Variants in GPR160 observed in about 807,000 individuals in gnomAD.
GPR160 encodes G protein-coupled receptor 160.
In GPR160, 2 loss-of-function variants were observed where a neutral mutation model predicts 2.6. That is an observed-to-expected ratio of 0.77 (90% CI 0.32 to 2.44). GPR160 has a LOEUF of 2.44. Among genes scored for constraint, GPR160 ranks in the 30% most tolerant of loss-of-function variants. The pLI, the probability that GPR160 is intolerant of heterozygous loss-of-function variation, is 0.11. For synonymous variants in GPR160, 130 were observed against 132.2 expected, an observed-to-expected ratio of 0.98 and a Z score of 0.12; for missense variants, 351 against 383.6, an observed-to-expected ratio of 0.91 and a Z score of 0.71.
intron 2 of GPR160, among the ~76,000 whole-genome samples, chr3:170,064,517 T>C (rs908579356): frequency 8.0e-6 from 1 of 125,256 alleles, no homozygotes; most frequent in African/African-American, 3.5e-5. Context: ...TTCTTTTCTT[T>C]TTTTTTTTTT....
chr3:170,071,812 C>A (rs1712609843), intron 2 of GPR160, among the ~76,000 whole-genome samples: 1 of 152,114 alleles, frequency 6.6e-6, no homozygotes, highest in Non-Finnish European at 1.5e-5. Flanking sequence ...AGAAATACCT[C>A]TTTATAAATT....
chr3:170,058,773 C>A (rs1003993708), intron 2 of GPR160, among the ~76,000 whole-genome samples: 9 of 152,124 alleles, frequency 5.9e-5, no homozygotes, highest in Admixed American at 5.2e-4. Context: ...ACATTATTTG[C>A]AGATAGAACA....
At chr3:170,060,080 A>G (rs867243396) in intron 2 of GPR160, among the ~76,000 whole-genome samples, 12 of 152,196 alleles carry the variant, frequency 7.9e-5, no homozygotes, top group Non-Finnish European at 1.8e-4. Context: ...CCTTGAAAAA[A>G]AATGACCAGA....
chr3:170,044,116 G>C (rs193030902), intron 2 of GPR160, among the ~76,000 whole-genome samples: 3 of 151,944 alleles, frequency 2.0e-5, no homozygotes, highest in African/African-American at 7.2e-5. Flanking sequence ...CCTGAGGTTG[G>C]GAGTTCGAAA....
chr3:170,044,136 C>T (rs939896857), intron 2 of GPR160, among the ~76,000 whole-genome samples: 1 of 151,764 alleles, frequency 6.6e-6, no homozygotes, highest in Admixed American at 6.6e-5. Flanking sequence ...ACCAACCTGA[C>T]CAACATGGAG....
chr3:170,050,353 C>T (rs190540530), intron 2 of GPR160, among the ~76,000 whole-genome samples: 1 of 152,202 alleles, frequency 6.6e-6, no homozygotes, highest in Non-Finnish European at 1.5e-5. Context: ...AAGTGATTCT[C>T]CTGCCTTGGC....
chr3:170,071,926 A>G (rs571505776), intron 2 of GPR160, among the ~76,000 whole-genome samples: 2 of 152,118 alleles, frequency 1.3e-5, no homozygotes, highest in Admixed American at 1.3e-4. Flanking sequence ...TGGAGCATAT[A>G]TTAATTTTTG....
chr3:170,080,624 T>G (rs1713076598), intron 3 of GPR160, among the ~76,000 whole-genome samples: 1 of 152,192 alleles, frequency 6.6e-6, no homozygotes, highest in African/African-American at 2.4e-5. Flanking sequence ...TCCCTACTTT[T>G]GTCATCTTCC....
intron 2 of GPR160, among the ~76,000 whole-genome samples, chr3:170,057,654 T>C (rs1030892169): frequency 2.0e-5 from 3 of 152,174 alleles, no homozygotes; most frequent in Admixed American, 6.5e-5. Flanking sequence ...ATGGCTTACC[T>C]GGAAGGAATG....
Position 170,084,176 on chromosome 3 carries a change from A to G in GPR160, c.204A>G (p.Leu68=). The change falls in exon 4 of 4, where the codon TTA becomes TTG. Residue 68 remains leucine (L), a synonymous_variant. Transcript: ENST00000355897. The stretch of plus-strand genomic sequence containing the variant: ...TTTCACTAGCATTCGTTGATCTTTT[A>G]CTTTTGGTAAACATTTCCATTATAT... ...FCISLAFVDL[L]LLVNISIILY... 1 of 1,590,488 alleles carries G rather than the reference A, an allele frequency of 6.3e-7. No individual in the cohort carries two copies. Among genetic ancestry groups the G allele is most frequent in the Non-Finnish European group, 8.6e-7 (1 of 1,169,352 alleles).
At chr3:170,042,427 A>AAG (rs1336252191) in intron 2 of GPR160, among the ~76,000 whole-genome samples, 1 of 150,974 alleles carries the variant, frequency 6.6e-6, no homozygotes, top group East Asian at 1.9e-4. Flanking sequence ...CCTCAAAAAA[A>AAG]AAAAAAAAAG....
chr3:170,079,247 C>G (rs560452215), intron 2 of GPR160, among the ~76,000 whole-genome samples: 1 of 152,204 alleles, frequency 6.6e-6, no homozygotes, highest in Non-Finnish European at 1.5e-5. Flanking sequence ...CTGAGTACTC[C>G]TTTCATCCGT....
chr3:170,063,551 G>GC (rs1491028084), intron 2 of GPR160, among the ~76,000 whole-genome samples: 9 of 3,784 alleles, frequency 2.4e-3, no homozygotes, highest in Non-Finnish European at 4.4e-3. Context: ...AACAAAAAAA[G>GC]CAAAAAAAAA....
At chr3:170,042,037 G>C (rs1390387434) in intron 2 of GPR160, among the ~76,000 whole-genome samples, 2 of 152,162 alleles carry the variant, frequency 1.3e-5, no homozygotes, top group Non-Finnish European at 2.9e-5. Flanking sequence ...TGGCTCCCTT[G>C]TTGGGCTAGA....
At chr3:170,070,708 A>G (rs1331674411) in intron 2 of GPR160, among the ~76,000 whole-genome samples, 1 of 152,180 alleles carries the variant, frequency 6.6e-6, no homozygotes, top group African/African-American at 2.4e-5. Flanking sequence ...TTTCTTATTC[A>G]TTTTAGAATC....
At position 170,085,059 on chromosome 3, in the gene GPR160, TA is replaced by T; in HGVS notation, c.*76del. On this transcript the variant is annotated 3_prime_UTR_variant, in exon 4 of 4. Coordinates refer to ENST00000355897, the MANE Select transcript of GPR160 (RefSeq NM_014373.3). ...TGAACAGAAAGAACTCAGGACATAT[TA>T]AAAAATAAACTGAACTAAAACAACT... 2 of 830,228 alleles carry T rather than the reference TA, an allele frequency of 2.4e-6. No homozygotes were observed. The highest frequency in any genetic ancestry group is 3.5e-6 in the Non-Finnish European group (2 of 573,584). 51.4% of individuals were successfully genotyped at this position (830,228 alleles called of 1,614,324 possible).
intron 2 of GPR160, among the ~76,000 whole-genome samples, chr3:170,054,747 G>A (rs1422539859): frequency 2.7e-5 from 4 of 150,820 alleles, no homozygotes; most frequent in Non-Finnish European, 4.4e-5. Flanking sequence ...TTCACTTAGT[G>A]TAATGTCTTA....
Position 170,084,839 on chromosome 3 carries a change from TAC to T in GPR160, c.869_870del (p.Thr290SerfsTer5), listed in dbSNP as rs1559996125. Reference sequence around the variant, plus strand: ...ACTTTGTCAATAGTTTTCTCATTGCTACAGTGTATTGGTTTAATTGTCACAAG... The same window carrying T: ...ACTTTGTCAATAGTTTTCTCATTGCTAGTGTATTGGTTTAATTGTCACAAG... ...LYFVNSFLIA[T>X]VYWFNCHKLN... On this transcript the variant is annotated frameshift_variant, in exon 4 of 4. Coordinates refer to ENST00000355897, the MANE Select transcript of GPR160 (RefSeq NM_014373.3). LOFTEE classifies it high-confidence loss of function. 1.9e-6 allele frequency: 3 copies of T among 1,610,208 alleles called. No homozygotes were observed. Among genetic ancestry groups the T allele is most frequent in the Non-Finnish European group, 1.7e-6 (2 of 1,176,932 alleles).
chr3:170,048,785 C>G (rs923991752), intron 2 of GPR160, among the ~76,000 whole-genome samples: 1 of 152,196 alleles, frequency 6.6e-6, no homozygotes, highest in African/African-American at 2.4e-5. Context: ...GGTTCTCCCC[C>G]TCCAGGACAA....
Sources: allele counts gnomAD v4.1 joint callset (sites outside exome capture counted in the v4.1 genomes callset), GRCh38; gene constraint gnomAD v4.1.1; transcripts MANE v1.5; gene names NCBI Gene and HGNC (gene_info 2026-07-23, HGNC 2026-07-21).